The following CDH13 variants were observed in gnomAD, a reference collection of about 807,000 sequenced individuals.
CDH13 encodes the protein cadherin 13, also known as cadherin-13.
CDH13 carries 24 observed loss-of-function variants against 63.8 expected under a neutral mutation model. The observed-to-expected ratio is 0.38, with a 90% confidence interval of 0.27 to 0.53. CDH13 has a LOEUF of 0.53. CDH13 is among the 20% of genes least tolerant of loss of function. CDH13 has a pLI of 0.85. For synonymous variants in CDH13, 503 were observed against 355.3 expected (o/e 1.42, Z -4.67); for missense variants, 1,049 against 903.1 (o/e 1.16, Z -2.07).
intron 1 of CDH13, among the ~76,000 whole-genome samples, chr16:82,821,149 G>A (rs1255837500): frequency 6.6e-6 from 1 of 152,086 alleles, no homozygotes; most frequent in Non-Finnish European, 1.5e-5. Flanking sequence ...TTAGCTGAAG[G>A]TCTGTAATGC....
At chr16:83,394,902 C>T (rs1433029833) in intron 6 of CDH13, among the ~76,000 whole-genome samples, 1 of 152,074 alleles carries the variant, frequency 6.6e-6, no homozygotes, top group African/African-American at 2.4e-5. Flanking sequence ...AATCCCAACA[C>T]TCTGGGAGGC....
chr16:82,975,123 TAAAG>T (rs775977074), intron 2 of CDH13, among the ~76,000 whole-genome samples: 3 of 152,228 alleles, frequency 2.0e-5, no homozygotes, highest in Non-Finnish European at 4.4e-5. Context: ...AAGTCTTGAA[TAAAG>T]AGTCAGAATT....
chr16:83,502,193 T>A (rs532805337), intron 7 of CDH13, among the ~76,000 whole-genome samples: 61 of 152,166 alleles, frequency 4.0e-4, no homozygotes, highest in Non-Finnish European at 7.9e-4. Flanking sequence ...GTAGAAGTGA[T>A]TAAGTCAAAT....
intron 4 of CDH13, among the ~76,000 whole-genome samples, chr16:83,134,999 T>C (rs1373525530): frequency 2.0e-5 from 3 of 152,216 alleles, no homozygotes; most frequent in Non-Finnish European, 4.4e-5. Context: ...TGAATTTATA[T>C]TTAATTATTT....
chr16:83,334,361 T>TCTCTCTCACACACACACACA (rs1272779883), intron 5 of CDH13, among the ~76,000 whole-genome samples: 9 of 85,620 alleles, frequency 1.1e-4, no homozygotes, highest in African/African-American at 4.5e-4. Flanking sequence ...TCTCTCTCTC[T>TCTCTCTCACACACACACACA]CACACACACA....
At chr16:83,168,009 G>A (rs72800254) in intron 4 of CDH13, among the ~76,000 whole-genome samples, 24,277 of 151,762 alleles carry the variant, frequency 0.16, 2,051 homozygotes, top group South Asian at 0.19. Context: ...GAATACTCAC[G>A]GACATAAAGA....
chr16:82,869,266 G>A (rs2040260684), intron 2 of CDH13, among the ~76,000 whole-genome samples: 1 of 151,984 alleles, frequency 6.6e-6, no homozygotes, highest in Non-Finnish European at 1.5e-5. Flanking sequence ...GGCTGGTCTT[G>A]AACTCCTGGC....
chr16:83,795,087 A>C lies in CDH13; in HGVS notation c.*57A>C, dbSNP rs1179903712. ...GTTTCCATAGCAACAGGAAAAAAAA[A>C]AATCTATCCAAATCTGAAGATTGCG... On this transcript the variant is annotated 3_prime_UTR_variant, in exon 14 of 14. Transcript: ENST00000567109. 3.4e-6 allele frequency: 5 copies of C among 1,456,750 alleles called. No homozygotes were observed. In the African/African-American group the frequency reaches 7.1e-5, roughly 21 times the overall value. 90.2% of individuals were successfully genotyped at this position (1,456,750 alleles called of 1,614,324 possible).
intron 5 of CDH13, among the ~76,000 whole-genome samples, chr16:83,231,811 C>T (rs562339959): frequency 1.3e-4 from 20 of 152,234 alleles, no homozygotes; most frequent in African/African-American, 2.2e-4. Context: ...TATTGAAATG[C>T]GACCCCCAGC....
At chr16:83,677,616 G>A (rs1393652098) in intron 9 of CDH13, among the ~76,000 whole-genome samples, 2 of 152,184 alleles carry the variant, frequency 1.3e-5, no homozygotes, top group East Asian at 3.8e-4. Flanking sequence ...TATACTTGAA[G>A]GGACATAGAG....
intron 5 of CDH13, among the ~76,000 whole-genome samples, chr16:83,219,672 T>G (rs2039639045): frequency 6.6e-6 from 1 of 152,220 alleles, no homozygotes; most frequent in Non-Finnish European, 1.5e-5. Context: ...GCACAAACTT[T>G]CCTTGAGTAG....
At chr16:82,929,812 A>G (rs548329506) in intron 2 of CDH13, among the ~76,000 whole-genome samples, 31 of 152,016 alleles carry the variant, frequency 2.0e-4, no homozygotes, top group African/African-American at 6.3e-4. Flanking sequence ...CACCCAGTCA[A>G]TCATATCCTG....
intron 1 of CDH13, among the ~76,000 whole-genome samples, chr16:82,781,939 C>G (rs1007092505): frequency 5.3e-5 from 8 of 152,146 alleles, no homozygotes; most frequent in Admixed American, 5.2e-4. Context: ...GAATGGTTTA[C>G]TGTGTCTGAA....
At chr16:83,173,500 T>C (rs2038006549) in intron 4 of CDH13, among the ~76,000 whole-genome samples, 2 of 152,022 alleles carry the variant, frequency 1.3e-5, no homozygotes. Context: ...TTGAATAGAC[T>C]TGCCAGACAA....
At chr16:82,921,319 G>C (rs2042147130) in intron 2 of CDH13, among the ~76,000 whole-genome samples, 2 of 152,148 alleles carry the variant, frequency 1.3e-5, no homozygotes, top group Admixed American at 6.5e-5. Context: ...CCAGCTTCTG[G>C]TGGCAGCTGG....
chr16:83,409,543 G>A (rs1339231527), intron 6 of CDH13, among the ~76,000 whole-genome samples: 2 of 152,358 alleles, frequency 1.3e-5, no homozygotes, highest in African/African-American at 2.4e-5. Flanking sequence ...ATGTGACTCA[G>A]ACCTCTGTCA....
chr16:83,036,886 C>A (rs558159237), intron 3 of CDH13, among the ~76,000 whole-genome samples: 53 of 152,258 alleles, frequency 3.5e-4, no homozygotes, highest in Non-Finnish European at 7.4e-4. Flanking sequence ...TCCAGCATCC[C>A]AGGGTCCACT....
At chr16:83,793,368 C>G (rs1435514834) in intron 13 of CDH13, among the ~76,000 whole-genome samples, 1 of 152,160 alleles carries the variant, frequency 6.6e-6, no homozygotes, top group Non-Finnish European at 1.5e-5. Flanking sequence ...GCCAACATTG[C>G]TGAGTTGAGC....
At chr16:82,709,890 G>C (rs1048527686) in intron 1 of CDH13, among the ~76,000 whole-genome samples, 3 of 152,060 alleles carry the variant, frequency 2.0e-5, no homozygotes, top group Non-Finnish European at 4.4e-5. Context: ...TCCAAAGAAG[G>C]AATGGGTTTG....
Sources: allele counts gnomAD v4.1 joint callset (sites outside exome capture counted in the v4.1 genomes callset), GRCh38; gene constraint gnomAD v4.1.1; transcripts MANE v1.5; gene names NCBI Gene and HGNC (gene_info 2026-07-23, HGNC 2026-07-21).